DVL3: variants seen among roughly 807,000 people sequenced by gnomAD.
The protein encoded by DVL3 is dishevelled segment polarity protein 3.
In DVL3, 27 loss-of-function variants were observed where a neutral mutation model predicts 67.4. The ratio of observed to expected loss-of-function variants is 0.40; its 90% confidence interval spans 0.30 to 0.55. The LOEUF (loss-of-function observed/expected upper bound fraction) is 0.55. DVL3 is among the 20% of genes least tolerant of loss of function. The probability of loss-of-function intolerance (pLI) is 0.46; values close to 1 mark genes in which losing one functional copy is unlikely to be tolerated. For synonymous variants in DVL3, 369 were observed against 396.8 expected (o/e 0.93, Z 0.83); for missense variants, 819 against 1,021.5 (o/e 0.80, Z 2.70).
At position 184,166,046 on chromosome 3, in the gene DVL3, G is replaced by T. The variant is rs1714571134; in HGVS notation, c.764-80G>T. Reference sequence around the variant, plus strand: ...ATCAGCAAATGTCAGTTCAGTTCCTGTCCCTTTCCATTTTCTAATGGGCTG... The same window carrying T: ...ATCAGCAAATGTCAGTTCAGTTCCTTTCCCTTTCCATTTTCTAATGGGCTG... On this transcript the variant is annotated intron_variant, in intron 7 of 14. Transcript: ENST00000313143. This position sits in a 1 kb window ranked among gnomAD's most constrained non-coding sequence, Gnocchi z 6.7. 6.5e-7 allele frequency: 1 copy of T among 1,540,138 alleles called. No individual in the cohort carries two copies. Among genetic ancestry groups the T allele is most frequent in the African/African-American group, 1.4e-5 (1 of 72,376 alleles).
Position 184,165,145 on chromosome 3 carries a change from C to T in DVL3, c.632C>T (p.Ser211Leu), listed in dbSNP as rs757042595. 1.9e-6 allele frequency: 3 copies of T among 1,612,274 alleles called. No homozygotes were observed. The highest frequency in any genetic ancestry group is 2.5e-6 in the Non-Finnish European group (3 of 1,179,322). ...AGCTCCACAGAACAGAGCAGTGCCTCACGCCTGATGAGAAGACACAAGCGG... is the reference window on the plus strand; with the variant it reads ...AGCTCCACAGAACAGAGCAGTGCCTTACGCCTGATGAGAAGACACAAGCGG... ...FSSSTEQSSA[S>L]RLMRRHKRRR... Residue 211 changes from serine to leucine, a missense_variant, in exon 6 of 15, where the codon TCA becomes TTA. By Grantham distance (145) the Ser-to-Leu change is moderately radical. Coordinates refer to ENST00000313143, the MANE Select transcript of DVL3 (RefSeq NM_004423.4). The surrounding 1 kb of genome is among the most constrained non-coding windows in gnomAD (Gnocchi z 4.1).
At chr3:184,162,942 G>T (rs190254930) in intron 1 of DVL3, among the ~76,000 whole-genome samples, 1 of 152,172 alleles carries the variant, frequency 6.6e-6, no homozygotes, top group Non-Finnish European at 1.5e-5. Context: ...ACAGTTTGGG[G>T]CTAGGAAGGG....
intron 1 of DVL3, among the ~76,000 whole-genome samples, chr3:184,159,767 A>G (rs1455940316): frequency 1.3e-5 from 2 of 152,118 alleles, no homozygotes; most frequent in East Asian, 3.8e-4. Flanking sequence ...GGATTGCAGT[A>G]TATTTCCATG....
chr3:184,170,111 C>G lies in DVL3; in HGVS notation c.1604C>G (p.Ala535Gly). The change falls in exon 14 of 15, where the codon GCT (alanine) becomes GGT (glycine). Residue 535 changes from alanine to glycine, a missense_variant. Ala to Gly is a moderately conservative substitution (Grantham distance 60, BLOSUM62 0). Transcript: ENST00000313143. The surrounding 1 kb of genome is among the most constrained non-coding windows in gnomAD (Gnocchi z 6.5). ...CCGGGGGCCGCCCCTTGGCCCATGG[C>G]TTTCCCGTACCAGTACCCGCCACCC... ...PHPGAAPWPM[A>G]FPYQYPPPPH... is the part of the protein sequence containing the mutation. The G allele has an allele frequency of 2.5e-6, 4 of 1,613,944 alleles. No homozygotes were observed. The highest frequency in any genetic ancestry group is 3.4e-6 in the Non-Finnish European group (4 of 1,179,992).
In DVL3 at chr3:184,171,430, CT is replaced by C. The variant is rs1224832476; in HGVS notation, c.*676del. Reference sequence around the variant, plus strand: ...TCCAGGGAGCATCTCTGCTCTACCCCTGCCCCATGCCTGCCCTGCGTGCTGG... The same window carrying C: ...TCCAGGGAGCATCTCTGCTCTACCCCGCCCCATGCCTGCCCTGCGTGCTGG... On this transcript the variant is annotated 3_prime_UTR_variant, in exon 15 of 15. Transcript: ENST00000313143. 1.0e-6 allele frequency: 1 copy of C among 990,944 alleles called. No homozygotes were observed. Among genetic ancestry groups the C allele is most frequent in the African/African-American group, 1.7e-5 (1 of 57,270 alleles). The allele number at this position is 990,944 out of a possible 1,614,324, so 61.4% of individuals were successfully genotyped here.
At chr3:184,156,722 C>A in intron 1 of DVL3, 1 of 293,602 alleles carries the variant, frequency 3.4e-6, no homozygotes, top group Non-Finnish European at 6.8e-6. Flanking sequence ...CCTGGCTGAT[C>A]CCCCTCGAAC....
chr3:184,167,767 G>A lies in DVL3; in HGVS notation c.1330+56G>A, dbSNP rs1714650458. ...GGGTGGGGAGTGATGGGGCAGGGCA[G>A]GCCGGAGGGCCCAGGACTTGCCTTG... On this transcript the variant is annotated intron_variant, in intron 12 of 14. Coordinates refer to ENST00000313143, the MANE Select transcript of DVL3 (RefSeq NM_004423.4). This position sits in a 1 kb window ranked among gnomAD's most constrained non-coding sequence, Gnocchi z 4.6. 1 of 1,589,440 alleles carries A rather than the reference G, an allele frequency of 6.3e-7. No individual in the cohort carries two copies. Among genetic ancestry groups the A allele is most frequent in the South Asian group, 1.2e-5 (1 of 85,814 alleles).
Position 184,164,970 on chromosome 3 carries a change from C to T in DVL3, c.599+39C>T, listed in dbSNP as rs762153830. ...TTCATGGGTATTGTGGGGCAGGTGA[C>T]CCTGGAGGAGCCCTAAACCCTGAGG... On this transcript the variant is annotated intron_variant, in intron 5 of 14. Coordinates refer to ENST00000313143, the MANE Select transcript of DVL3 (RefSeq NM_004423.4). This position sits in a 1 kb window ranked among gnomAD's most constrained non-coding sequence, Gnocchi z 5.3. 3 of 1,613,402 alleles carry T rather than the reference C, an allele frequency of 1.9e-6. No individual in the cohort carries two copies. Among genetic ancestry groups the T allele is most frequent in the Non-Finnish European group, 8.5e-7 (1 of 1,179,652 alleles).
At chr3:184,169,731 G>T (rs1250111397) in intron 13 of DVL3, among the ~76,000 whole-genome samples, 1 of 152,206 alleles carries the variant, frequency 6.6e-6, no homozygotes, top group African/African-American at 2.4e-5. Flanking sequence ...AGCAGAGAAA[G>T]TGCAAAAGCT....
chr3:184,165,096 G>A lies in DVL3; in HGVS notation c.600-17G>A, dbSNP rs766887810. On this transcript the variant is annotated splice_polypyrimidine_tract_variant and intron_variant, in intron 5 of 14. Coordinates refer to ENST00000313143, the MANE Select transcript of DVL3 (RefSeq NM_004423.4). This position sits in a 1 kb window ranked among gnomAD's most constrained non-coding sequence, Gnocchi z 4.1. ...GGGCTGGGCCAGCCTGGTGGGGAAC[G>A]ACTGTGGGCCCCACAGGTTCAGCAG... 12 of 1,613,872 alleles carry A rather than the reference G, an allele frequency of 7.4e-6. No homozygotes were observed. The highest frequency in any genetic ancestry group is 5.0e-5 in the Admixed American group (3 of 59,998).
In DVL3 at chr3:184,164,251, A is replaced by T. The variant is rs753241787; in HGVS notation, c.232-16A>T. 2.5e-6 allele frequency: 4 copies of T among 1,612,500 alleles called. No homozygotes were observed. The highest frequency in any genetic ancestry group is 2.5e-6 in the Non-Finnish European group (3 of 1,179,340). On this transcript the variant is annotated splice_polypyrimidine_tract_variant and intron_variant, in intron 2 of 14. Transcript: ENST00000313143. The surrounding 1 kb of genome is among the most constrained non-coding windows in gnomAD (Gnocchi z 5.3). ...TGCTCCTGTAACATACTACTCACTC[A>T]GTTTCTCCCTTTCAGCTGGTGTCAG...
At position 184,171,217 on chromosome 3, in the gene DVL3, C is replaced by T; in HGVS notation, c.*462C>T. ...TCAGGCACGTGTGCAAACCTCTTGACTTTACCCCACATTACTGAAACCAAA... is the reference window on the plus strand; with the variant it reads ...TCAGGCACGTGTGCAAACCTCTTGATTTTACCCCACATTACTGAAACCAAA... On this transcript the variant is annotated 3_prime_UTR_variant, in exon 15 of 15. Coordinates refer to ENST00000313143, the MANE Select transcript of DVL3 (RefSeq NM_004423.4). 2 of 1,088,658 alleles carry T rather than the reference C, an allele frequency of 1.8e-6. No homozygotes were observed. Among genetic ancestry groups the T allele is most frequent in the Non-Finnish European group, 2.2e-6 (2 of 892,378 alleles). The allele number at this position is 1,088,658 out of a possible 1,614,324, so 67.4% of individuals were successfully genotyped here. A position where few individuals can be genotyped will look rare whatever the true frequency, so the allele number is the denominator to read the frequency against.
In DVL3 at chr3:184,170,402, G is replaced by A. The variant is rs1166061359; in HGVS notation, c.1798G>A (p.Gly600Ser). ...DPKAGDSKSG[G>S]SGSESDHTTR... ...GAAGGCCGGGGACTCCAAGTCCGGGGGCAGCGGCAGCGAATCGGACCACAC... is the reference window on the plus strand; with the variant it reads ...GAAGGCCGGGGACTCCAAGTCCGGGAGCAGCGGCAGCGAATCGGACCACAC... Residue 600 changes from glycine to serine, a missense_variant, in exon 15 of 15, where the codon GGC (glycine) becomes AGC (serine). Physicochemically the swap from Gly to Ser is moderately conservative, Grantham distance 56 (BLOSUM62 0). This residue lies in a region of DVL3 where 324 missense variants were observed against 331.3 expected (regional missense o/e 0.98). Transcript: ENST00000313143. This position sits in a 1 kb window ranked among gnomAD's most constrained non-coding sequence, Gnocchi z 6.5. 1 of 1,602,600 alleles carries A rather than the reference G, an allele frequency of 6.2e-7. No individual in the cohort carries two copies. The highest frequency in any genetic ancestry group is 1.3e-5 in the African/African-American group (1 of 74,888).
intron 1 of DVL3, among the ~76,000 whole-genome samples, chr3:184,157,506 A>C (rs1404536746): frequency 6.6e-6 from 1 of 152,214 alleles, no homozygotes; most frequent in Non-Finnish European, 1.5e-5. Context: ...GCCTAACTGC[A>C]GTTTTAAGAG....
At position 184,165,213 on chromosome 3, in the gene DVL3, G is replaced by A. The variant is rs1198878772; in HGVS notation, c.693+7G>A. ...GGTTTCTCGGATTGAGCGGGTATGG[G>A]GTCTGGGAGGCTAGGGATGGGTGGA... On this transcript the variant is annotated splice_region_variant and intron_variant, in intron 6 of 14. Coordinates refer to ENST00000313143, the MANE Select transcript of DVL3 (RefSeq NM_004423.4). This position sits in a 1 kb window ranked among gnomAD's most constrained non-coding sequence, Gnocchi z 4.1. 2 of 1,582,736 alleles carry A rather than the reference G, an allele frequency of 1.3e-6. No homozygotes were observed. Among genetic ancestry groups the A allele is most frequent in the Non-Finnish European group, 1.7e-6 (2 of 1,163,554 alleles).
At chr3:184,158,298 A>C (rs1201769930) in intron 1 of DVL3, among the ~76,000 whole-genome samples, 1 of 151,064 alleles carries the variant, frequency 6.6e-6, no homozygotes, top group Non-Finnish European at 1.5e-5. Flanking sequence ...GTGCCACTGT[A>C]CTCCAGCCTG....
At chr3:184,168,636 T>C (rs1371904506) in intron 13 of DVL3, among the ~76,000 whole-genome samples, 1 of 152,178 alleles carries the variant, frequency 6.6e-6, no homozygotes, top group African/African-American at 2.4e-5. Flanking sequence ...CAGAGCCCTG[T>C]CTCCTGACTT....
chr3:184,167,810 G>A lies in DVL3; in HGVS notation c.1331-88G>A, dbSNP rs1714652382. The A allele has an allele frequency of 6.2e-7, 1 of 1,601,858 alleles. No homozygotes were observed. Among genetic ancestry groups the A allele is most frequent in the African/African-American group, 1.3e-5 (1 of 74,722 alleles). On this transcript the variant is annotated intron_variant, in intron 12 of 14. Transcript: ENST00000313143. The surrounding 1 kb of genome is among the most constrained non-coding windows in gnomAD (Gnocchi z 4.6). ...TTGCCTTGGACCCTTCCTTTGATCTGGAGCCAGCCCCAGCCTCATAGCTTC... is the reference window on the plus strand; with the variant it reads ...TTGCCTTGGACCCTTCCTTTGATCTAGAGCCAGCCCCAGCCTCATAGCTTC...
At chr3:184,158,621 G>A (rs969967393) in intron 1 of DVL3, among the ~76,000 whole-genome samples, 2 of 152,116 alleles carry the variant, frequency 1.3e-5, no homozygotes, top group African/African-American at 4.8e-5. Flanking sequence ...CTAGAGGAAG[G>A]AAAGTGGGTC....
Sources: gnomAD v4.1 joint callset for allele counts (sites outside exome capture counted in the v4.1 genomes callset) on GRCh38, gnomAD v4.1.1 for gene constraint, gnomAD v4.1.1 regional missense constraint, Gnocchi (gnomAD v3.1) non-coding constraint, MANE v1.5 for transcripts, NCBI Gene and HGNC (gene_info 2026-07-23, HGNC 2026-07-21) for gene names.